Variants in MGAM observed in about 807,000 individuals in gnomAD.
The protein encoded by MGAM is alpha-1,4-glucosidase.
MGAM carries 253 observed loss-of-function variants against 358.8 expected under a neutral mutation model. The ratio of observed to expected loss-of-function variants is 0.71; its 90% CI spans 0.64 to 0.78. MGAM has a LOEUF of 0.78. Among genes scored for constraint, MGAM ranks in the 30% least tolerant of loss-of-function variants. MGAM has a pLI of 0.00. For missense variants in MGAM, 3,080 were observed against 3,432.6 expected (o/e 0.90, Z 2.57); for synonymous variants, 1,105 against 1,227.1 (o/e 0.90, Z 2.08).
chr7:142,002,550 C>T (rs1804817564), intron 1 of MGAM, among the ~76,000 whole-genome samples: 1 of 151,916 alleles, frequency 6.6e-6, no homozygotes, highest in Admixed American at 6.6e-5. Flanking sequence ...CCCTTAAAAA[C>T]CTTGGCGTAG....
chr7:142,040,247 G>C, intron 20 of MGAM, 76 bp downstream of exon 20: 1 of 1,174,176 alleles, frequency 8.5e-7, no homozygotes, highest in Non-Finnish European at 1.3e-6. Flanking sequence ...TTTCTGGAGA[G>C]AGAAACATCC....
intron 42 of MGAM, among the ~76,000 whole-genome samples, chr7:142,067,962 ATAAATATATATATATATATATATATTT>A (rs1226242553): frequency 1.7e-4 from 6 of 36,338 alleles, no homozygotes; most frequent in African/African-American, 4.8e-4. Flanking sequence ...ATATATATAT[ATAAATATATATATATATATATATATTT>A]TTTTTTTTTT....
At chr7:142,049,640 CCTGA>C (rs1490244710) in intron 22 of MGAM, among the ~76,000 whole-genome samples, 3 of 152,050 alleles carry the variant, frequency 2.0e-5, no homozygotes, top group Non-Finnish European at 4.4e-5. Context: ...GGGTGAAGGA[CCTGA>C]ACAGATGTTT....
At chr7:141,998,953 C>T (rs1554449770) in intron 1 of MGAM, among the ~76,000 whole-genome samples, 1 of 152,070 alleles carries the variant, frequency 6.6e-6, no homozygotes, top group Non-Finnish European at 1.5e-5. Flanking sequence ...ATTAAAATTG[C>T]CACCCTTACC....
rs1584948662 is a variant in MGAM at position 142,031,579 on chromosome 7, C to T, written c.1471-101C>T. 6.1e-5 allele frequency: 45 copies of T among 740,486 alleles called. No homozygotes were observed. In the East Asian group the frequency reaches 7.9e-4, roughly 13 times the overall value. The allele number at this position is 740,486 out of a possible 1,614,324, so 45.9% of individuals were successfully genotyped here. A position where few individuals can be genotyped will look rare whatever the true frequency, so the allele number is the denominator to read the frequency against. On this transcript the variant is annotated intron_variant, in intron 12 of 70. Coordinates refer to ENST00000475668, the MANE Select transcript of MGAM (RefSeq NM_001365693.1). ...AAAAAGGATATGTTCCTGGGTACCT[C>T]GGTTGCTGTGATCATATTAGGAATT... is the stretch of plus-strand genomic sequence containing the variant.
chr7:142,069,289 A>G (rs1304448791), intron 43 of MGAM, among the ~76,000 whole-genome samples: 1 of 145,816 alleles, frequency 6.9e-6, no homozygotes, highest in Admixed American at 6.9e-5. Flanking sequence ...GGAAGCAATG[A>G]AGAGCTCCTT....
rs1457037172 is a variant in MGAM, at chr7:142,091,730, A to T, written c.6811-183A>T. On this transcript the variant is annotated intron_variant, in intron 57 of 70. Transcript: ENST00000475668. Reference sequence around the variant, plus strand: ...TTCCAAATGCCGGGAAGGTGTGCAAATTGCACTAATTTCTCCTCTCATTCT... The same window carrying T: ...TTCCAAATGCCGGGAAGGTGTGCAATTTGCACTAATTTCTCCTCTCATTCT... 1.4e-5 allele frequency among the ~76,000 whole-genome samples: 2 copies of T among 146,136 alleles called. 1 individual carries two copies. The highest frequency in any genetic ancestry group is 3.1e-5 in the Non-Finnish European group (2 of 64,572).
At chr7:142,039,598 G>T (rs1003878177) in intron 19 of MGAM, among the ~76,000 whole-genome samples, 1 of 152,100 alleles carries the variant, frequency 6.6e-6, no homozygotes, top group African/African-American at 2.4e-5. Flanking sequence ...TATATCAAGA[G>T]TGGTCCTATT....
chr7:142,016,953 G>A (rs1360951872), intron 3 of MGAM, among the ~76,000 whole-genome samples: 9 of 152,156 alleles, frequency 5.9e-5, no homozygotes, highest in African/African-American at 1.9e-4. Flanking sequence ...AGTTTAGGAT[G>A]TGTAAACTAT....
At chr7:142,100,338 A>G (rs887249561) in intron 67 of MGAM, among the ~76,000 whole-genome samples, 3 of 152,236 alleles carry the variant, frequency 2.0e-5, no homozygotes, top group Non-Finnish European at 4.4e-5. Flanking sequence ...TACTAAGTAC[A>G]TGAATGCGGA....
chr7:142,098,883 A>G (rs1816191788), intron 66 of MGAM, among the ~76,000 whole-genome samples: 1 of 152,258 alleles, frequency 6.6e-6, no homozygotes, highest in Non-Finnish European at 1.5e-5. Flanking sequence ...CATAGTTAAT[A>G]TTAATGAAGA....
intron 65 of MGAM, among the ~76,000 whole-genome samples, 153 bp downstream of exon 65, chr7:142,096,568 C>G (rs1459830957): frequency 6.6e-6 from 1 of 152,240 alleles, no homozygotes; most frequent in Non-Finnish European, 1.5e-5. Flanking sequence ...AAGTCCATCA[C>G]TTAGGTGTTC....
At chr7:141,994,224 GTTC>G (rs1205787997), upstream of MGAM, among the ~76,000 whole-genome samples, 3 of 152,148 alleles carry the variant, frequency 2.0e-5, no homozygotes, top group East Asian at 3.8e-4. Flanking sequence ...AGCTCCATAA[GTTC>G]TTCTTGCCCA....
rs773772319 is a variant in MGAM, at chr7:142,094,437, G to A, written c.7246G>A (p.Ala2416Thr). 11 of 1,534,856 alleles carry A rather than the reference G, an allele frequency of 7.2e-6. No homozygotes were observed. The South Asian group carries it at 1.0e-4, about 15-fold the overall frequency. ...RSTFPSSGRW[A>T]GHWLGDNTAA... The stretch of plus-strand genomic sequence containing the variant: ...CACATTTCCCTCTTCTGGCCGCTGG[G>A]CAGGACATTGGCTGGGAGACAACAC... Residue 2416 changes from alanine to threonine, a missense_variant, in exon 61 of 71, where the codon GCA (alanine) becomes ACA (threonine). Around this residue, in one of 5 missense-constraint regions of MGAM, gnomAD observed 932 missense variants for 1,198.2 expected, o/e 0.78. Transcript: ENST00000475668.
intron 13 of MGAM, among the ~76,000 whole-genome samples, chr7:142,032,021 C>G (rs1156830039): frequency 6.7e-6 from 1 of 149,520 alleles, no homozygotes; most frequent in Non-Finnish European, 1.5e-5. Flanking sequence ...ATTTTTTTTC[C>G]CAAGTCTAGC....
intron 16 of MGAM, 71 bp from the exon 17 acceptor site, chr7:142,036,098 T>C: frequency 1.7e-6 from 2 of 1,148,210 alleles, no homozygotes; most frequent in Non-Finnish European, 2.5e-6. Context: ...AGTTGGGAGG[T>C]CCCTGGTGGA....
At position 142,043,976 on chromosome 7, in the gene MGAM, T is replaced by TACA. The variant is rs1809517085; in HGVS notation, c.2498+3131_2498+3132insCAA. ...ATATACATTATATACACATACGACG[T>TACA]ATAATATATACATTATATACACATA... is the stretch of plus-strand genomic sequence containing the variant. On this transcript the variant is annotated intron_variant, in intron 21 of 70. Coordinates refer to ENST00000475668, the MANE Select transcript of MGAM (RefSeq NM_001365693.1). Among the ~76,000 whole-genome samples, 3 of 124,154 alleles carry TACA rather than the reference T, an allele frequency of 2.4e-5. 1 individual carries two copies. Among genetic ancestry groups the TACA allele is most frequent in the African/African-American group, 1.1e-4 (3 of 28,152 alleles). 81.4% of individuals were successfully genotyped at this position (124,154 alleles called of 152,430 possible). A position where few individuals can be genotyped will look rare whatever the true frequency, so the allele number is the denominator to read the frequency against.
At chr7:142,063,387 A>G in intron 35 of MGAM, 112 bp from the exon 36 acceptor site, 3 of 1,271,958 alleles carry the variant, frequency 2.4e-6, no homozygotes, top group South Asian at 2.7e-5. Context: ...CAGGGCTGGC[A>G]TCTACAGAGA....
chr7:142,092,511 G>T lies in MGAM; in HGVS notation c.6946-10G>T. The stretch of plus-strand genomic sequence containing the variant: ...AAAAAGTGAGGTATGTCTGTGTTTG[G>T]CATTTCTAGGATATGAATGAACCAT... On this transcript the variant is annotated splice_polypyrimidine_tract_variant and intron_variant, in intron 58 of 70. Transcript: ENST00000475668. 1 of 1,538,930 alleles carries T rather than the reference G, an allele frequency of 6.5e-7. No homozygotes were observed. The highest frequency in any genetic ancestry group is 1.1e-5 in the South Asian group (1 of 86,992).
Sources: allele counts gnomAD v4.1 joint callset (sites outside exome capture counted in the v4.1 genomes callset), GRCh38; gene constraint gnomAD v4.1.1; regional missense constraint gnomAD v4.1.1; transcripts MANE v1.5; gene names NCBI Gene and HGNC (gene_info 2026-07-23, HGNC 2026-07-21).